LRRC4C: variants seen among roughly 807,000 people sequenced by gnomAD.
LRRC4C encodes leucine-rich repeat-containing protein 4C.
LRRC4C carries 5 observed loss-of-function variants against 33.6 expected under a neutral mutation model. The ratio of observed to expected loss-of-function variants is 0.15; its 90% CI spans 0.08 to 0.31. The LOEUF is 0.31. Ranked by LOEUF, LRRC4C falls within the 10% of genes least tolerant of loss-of-function variation. The probability of loss-of-function intolerance (pLI) is 1.00; values close to 1 mark genes in which losing one functional copy is unlikely to be tolerated. For synonymous variants in LRRC4C, 329 were observed against 302.0 expected (o/e 1.09, Z -0.93); for missense variants, 560 against 796.7 (o/e 0.70, Z 3.58).
chr11:40,262,618 G>T (rs1045023504), intron 4 of LRRC4C, among the ~76,000 whole-genome samples: 3 of 152,220 alleles, frequency 2.0e-5, no homozygotes, highest in African/African-American at 7.2e-5. Context: ...TAAAGAACAT[G>T]TGGCACATAT....
chr11:40,967,343 A>C (rs1851436502), intron 1 of LRRC4C, among the ~76,000 whole-genome samples: 1 of 152,012 alleles, frequency 6.6e-6, no homozygotes, highest in African/African-American at 2.4e-5. Flanking sequence ...CTGAAAGCAT[A>C]AACACTTCCC....
chr11:41,326,445 C>T (rs868783582), intron 1 of LRRC4C, among the ~76,000 whole-genome samples: 38 of 152,096 alleles, frequency 2.5e-4, no homozygotes, highest in African/African-American at 8.4e-4. Context: ...CTTATGATCA[C>T]GTGAGTCAAT....
intron 1 of LRRC4C, among the ~76,000 whole-genome samples, chr11:41,018,403 G>C (rs1855738337): frequency 6.6e-6 from 1 of 152,064 alleles, no homozygotes; most frequent in Admixed American, 6.5e-5. Context: ...ACAACCACCA[G>C]GGATGGGGAT....
chr11:41,283,304 C>A (rs1360824245), intron 1 of LRRC4C, among the ~76,000 whole-genome samples: 1 of 152,068 alleles, frequency 6.6e-6, no homozygotes, highest in Non-Finnish European at 1.5e-5. Context: ...ATCATAACAT[C>A]ATTTATATTA....
chr11:41,149,287 C>G (rs963194684), intron 1 of LRRC4C, among the ~76,000 whole-genome samples: 1 of 151,962 alleles, frequency 6.6e-6, no homozygotes, highest in African/African-American at 2.4e-5. Flanking sequence ...GGGCGGATCA[C>G]GAGGTCAGGA....
At chr11:40,561,704 G>A (rs1175082501) in intron 3 of LRRC4C, among the ~76,000 whole-genome samples, 4 of 152,072 alleles carry the variant, frequency 2.6e-5, no homozygotes, top group Admixed American at 1.3e-4. Context: ...GAGCCACCGC[G>A]CCCGGCCCGT....
chr11:40,496,077 C>G (rs1954439732), intron 3 of LRRC4C, among the ~76,000 whole-genome samples: 1 of 151,924 alleles, frequency 6.6e-6, no homozygotes, highest in African/African-American at 2.4e-5. Context: ...GTGATCTGCT[C>G]ACCTTGGCAT....
intron 1 of LRRC4C, among the ~76,000 whole-genome samples, chr11:41,095,830 C>G (rs1204954884): frequency 6.6e-6 from 1 of 152,152 alleles, no homozygotes; most frequent in East Asian, 1.9e-4. Flanking sequence ...TTCCATCTGT[C>G]TGACTCATGT....
rs143665349 is a variant in LRRC4C at position 40,585,426 on chromosome 11, AC to A, written c.-270+62715del. 3.3e-3 allele frequency among the ~76,000 whole-genome samples: 498 copies of A among 152,260 alleles called. 3 individuals are homozygous for A. Among genetic ancestry groups the A allele is most frequent in the Non-Finnish European group, 5.2e-3 (356 of 68,002 alleles). On this transcript the variant is annotated intron_variant, in intron 3 of 6. Coordinates refer to ENST00000528697, the MANE Select transcript of LRRC4C (RefSeq NM_001258419.2). ...TATTGAAATATGTACATGTACATGG[AC>A]TTAAAAAAAGACATTGAGTGTGTTT...
At chr11:40,191,768 C>A (rs1317527803) in intron 5 of LRRC4C, among the ~76,000 whole-genome samples, 1 of 152,048 alleles carries the variant, frequency 6.6e-6, no homozygotes, top group East Asian at 1.9e-4. Context: ...TAAGACCAGC[C>A]TGGGCAACAT....
intron 3 of LRRC4C, among the ~76,000 whole-genome samples, chr11:40,514,861 A>C (rs1297161754): frequency 6.6e-6 from 1 of 152,162 alleles, no homozygotes; most frequent in Non-Finnish European, 1.5e-5. Context: ...AAAAGCCACA[A>C]TTTCAAAAAT....
chr11:40,459,684 AAAG>A (rs879508019), intron 3 of LRRC4C, among the ~76,000 whole-genome samples: 2 of 152,272 alleles, frequency 1.3e-5, no homozygotes, highest in Middle Eastern at 3.4e-3. Flanking sequence ...AGCCCTCACG[AAAG>A]AAGAACAAGG....
At chr11:40,672,958 A>T (rs1320735012) in intron 2 of LRRC4C, among the ~76,000 whole-genome samples, 1 of 152,056 alleles carries the variant, frequency 6.6e-6, no homozygotes, top group African/African-American at 2.4e-5. Flanking sequence ...TAATTTTGTG[A>T]GGTCATAGGT....
At chr11:40,619,836 G>A (rs1260104273) in intron 3 of LRRC4C, among the ~76,000 whole-genome samples, 6 of 151,056 alleles carry the variant, frequency 4.0e-5, no homozygotes, top group Non-Finnish European at 7.4e-5. Flanking sequence ...ACATTTTCTC[G>A]GTGTTGCAGG....
chr11:40,125,814 A>G (rs146989866), intron 6 of LRRC4C, among the ~76,000 whole-genome samples: 3 of 152,284 alleles, frequency 2.0e-5, no homozygotes, highest in South Asian at 2.1e-4. Context: ...CAAAGCAACG[A>G]ATTAAATAAC....
rs76751713 is a variant in LRRC4C at position 41,023,223 on chromosome 11, T to A, written c.-495-89500A>T. Among the ~76,000 whole-genome samples the A allele has an allele frequency of 8.6e-5, 13 of 151,900 alleles. No homozygotes were observed. In the East Asian group the frequency reaches 2.3e-3, roughly 27 times the overall value. ...GATATAAGATAAAATATATAAATCATATTAACAAATTTAAATAGAGAAACA... is the reference window on the plus strand; with the variant it reads ...GATATAAGATAAAATATATAAATCAAATTAACAAATTTAAATAGAGAAACA... On this transcript the variant is annotated intron_variant, in intron 1 of 6. Transcript: ENST00000528697.
intron 1 of LRRC4C, among the ~76,000 whole-genome samples, chr11:40,985,884 CTGT>C (rs944072494): frequency 2.6e-5 from 4 of 152,056 alleles, no homozygotes; most frequent in Admixed American, 6.6e-5. Flanking sequence ...GAAAACTGTG[CTGT>C]TGTTAAGAGT....
chr11:40,401,136 A>G (rs1949741491), intron 3 of LRRC4C, among the ~76,000 whole-genome samples: 1 of 151,792 alleles, frequency 6.6e-6, no homozygotes, highest in Non-Finnish European at 1.5e-5. Flanking sequence ...AGAAAGCAGC[A>G]CACATGGTGA....
chr11:41,429,037 C>T (rs1267625815), intron 1 of LRRC4C, among the ~76,000 whole-genome samples: 2 of 152,082 alleles, frequency 1.3e-5, no homozygotes, highest in Non-Finnish European at 2.9e-5. Context: ...TCCCGTAATC[C>T]CCACATATCA....
Sources: allele counts gnomAD v4.1 joint callset (sites outside exome capture counted in the v4.1 genomes callset), GRCh38; gene constraint gnomAD v4.1.1; transcripts MANE v1.5; gene names NCBI Gene and HGNC (gene_info 2026-07-23, HGNC 2026-07-21).